The following ICE1 variants were observed in gnomAD, a reference collection of about 807,000 sequenced individuals.
The protein encoded by ICE1 is interactor of little elongation complex ELL subunit 1.
A neutral mutation model predicts 192.7 loss-of-function variants in ICE1; 64 were observed. The ratio of observed to expected loss-of-function variants is 0.33; its 90% confidence interval spans 0.27 to 0.41. ICE1 has a LOEUF of 0.41. ICE1 is among the 10% of genes least tolerant of loss of function. The probability of loss-of-function intolerance (pLI) is 1.00; values close to 1 mark genes in which losing one functional copy is unlikely to be tolerated. For synonymous variants in ICE1, 1,010 were observed against 984.5 expected (o/e 1.03, Z -0.49); for missense variants, 2,708 against 2,696.0 (o/e 1.00, Z -0.10).
At chr5:5,474,027 G>A (rs1010323236) in intron 16 of ICE1, among the ~76,000 whole-genome samples, 1 of 152,024 alleles carries the variant, frequency 6.6e-6, no homozygotes, top group African/African-American at 2.4e-5. Flanking sequence ...TGGCTAACAT[G>A]ATGAAACCCC....
intron 1 of ICE1, among the ~76,000 whole-genome samples, chr5:5,434,907 T>A (rs532249797): frequency 1.3e-5 from 2 of 152,352 alleles, no homozygotes; most frequent in African/African-American, 4.8e-5. Flanking sequence ...ATACGTTTTT[T>A]AAAAAATGTC....
chr5:5,430,531 T>C (rs566641430), intron 1 of ICE1, among the ~76,000 whole-genome samples: 15 of 152,130 alleles, frequency 9.9e-5, no homozygotes, highest in African/African-American at 2.9e-4. Flanking sequence ...TATACAAGAG[T>C]TGTTAAGACA....
At chr5:5,445,237 T>G (rs1200088783) in intron 7 of ICE1, among the ~76,000 whole-genome samples, 1 of 152,142 alleles carries the variant, frequency 6.6e-6, no homozygotes. Context: ...TTGAACCAAA[T>G]TTTTTGGACT....
chr5:5,447,724 A>T lies in ICE1; in HGVS notation c.511A>T (p.Arg171Trp). The T allele has an allele frequency of 1.3e-6, 2 of 1,580,722 alleles. No individual in the cohort carries two copies. The highest frequency in any genetic ancestry group is 1.7e-6 in the Non-Finnish European group (2 of 1,160,784). Residue 171 changes from arginine to tryptophan, a missense_variant, in exon 9 of 19, where the codon AGG (arginine) becomes TGG (tryptophan). Transcript: ENST00000296564. Reference sequence around the variant, plus strand: ...TATTAATATTTTGTTTTCACAGGAAAGGCTTGACGAATTTTCTAAACAGAA... The same window carrying T: ...TATTAATATTTTGTTTTCACAGGAATGGCTTGACGAATTTTCTAAACAGAA... ...LEKEFKKTQE[R>W]LDEFSKQKNE...
intron 5 of ICE1, 39 bp from the exon 6 acceptor site, chr5:5,443,129 T>TTC (rs1738098332): frequency 1.7e-6 from 2 of 1,207,990 alleles, no homozygotes; most frequent in Non-Finnish European, 2.3e-6. Flanking sequence ...GTCAGTGACT[T>TTC]TCATTTTGAC....
At chr5:5,483,065 A>C (rs887977119) in intron 17 of ICE1, among the ~76,000 whole-genome samples, 3 of 152,034 alleles carry the variant, frequency 2.0e-5, no homozygotes, top group Non-Finnish European at 4.4e-5. Context: ...ATCTCAGCTC[A>C]CTGCAACCTC....
intron 10 of ICE1, among the ~76,000 whole-genome samples, chr5:5,454,166 G>A (rs1158938138): frequency 6.6e-6 from 1 of 152,142 alleles, no homozygotes; most frequent in African/African-American, 2.4e-5. Flanking sequence ...TCCCTTATCA[G>A]TTATTAACTG....
intron 7 of ICE1, 53 bp downstream of exon 7, chr5:5,444,379 TA>T: frequency 7.9e-7 from 1 of 1,264,752 alleles, no homozygotes; most frequent in Non-Finnish European, 1.1e-6. Flanking sequence ...AAATCACTGG[TA>T]ACTGTATGAG....
At chr5:5,476,941 G>T (rs1291824998) in intron 17 of ICE1, among the ~76,000 whole-genome samples, 1 of 152,140 alleles carries the variant, frequency 6.6e-6, no homozygotes, top group Non-Finnish European at 1.5e-5. Flanking sequence ...ATGAGACATG[G>T]ATCCTTCTTA....
At chr5:5,478,735 T>TA (rs1367148284) in intron 17 of ICE1, among the ~76,000 whole-genome samples, 1 of 152,190 alleles carries the variant, frequency 6.6e-6, no homozygotes, top group Non-Finnish European at 1.5e-5. Flanking sequence ...ATGATACTGA[T>TA]ACCAAAACAG....
At position 5,464,243 on chromosome 5, in the gene ICE1, GCTC is replaced by G. The variant is rs770332404; in HGVS notation, c.4913_4915del (p.Pro1638del). ...GGGGCCTCCTTTGCCGCCTCTGCTT[GCTC>G]CTCTGATAGCTACACCTCCAAGGAC... On this transcript the variant is annotated inframe_deletion, in exon 13 of 19. Transcript: ENST00000296564. The surrounding 1 kb of genome is among the most constrained non-coding windows in gnomAD (Gnocchi z 4.0). The G allele has an allele frequency of 6.2e-7, 1 of 1,613,374 alleles. No individual in the cohort carries two copies. Among genetic ancestry groups the G allele is most frequent in the South Asian group, 1.1e-5 (1 of 91,038 alleles).
intron 6 of ICE1, 41 bp downstream of exon 6, chr5:5,443,285 T>C (rs1280580270): frequency 5.5e-6 from 6 of 1,096,528 alleles, no homozygotes; most frequent in Non-Finnish European, 7.7e-6. Context: ...CGGTTTTCAG[T>C]TTTGAAAATA....
rs201891854 is a variant in ICE1, at chr5:5,454,662, C to G, written c.691+24C>G. ...AGGTGAGAGAGAAGCTTACAGAAAC[C>G]GATTTCATATGTGAAAGTACAGAGC... On this transcript the variant is annotated intron_variant, in intron 11 of 18. Transcript: ENST00000296564. The G allele has an allele frequency of 3.8e-6, 6 of 1,575,052 alleles. No homozygotes were observed. In the East Asian group the frequency reaches 1.3e-4, roughly 35 times the overall value.
rs1579565093 is a variant in ICE1 at position 5,462,643 on chromosome 5, G to A, written c.3309G>A (p.Gly1103=). Residue 1103 remains glycine (G), a synonymous_variant, in exon 13 of 19, where the codon GGG becomes GGA. Coordinates refer to ENST00000296564, the MANE Select transcript of ICE1 (RefSeq NM_015325.3). ...ATTGTTACACAGGCATTCGAGAGGG[G>A]GGAGACGACACTGAGGTAGAGAGTG... ...TLHCYTGIRE[G]GDDTEVESEA... 1 of 1,613,936 alleles carries A rather than the reference G, an allele frequency of 6.2e-7. No homozygotes were observed. The highest frequency in any genetic ancestry group is 2.2e-5 in the East Asian group (1 of 44,878).
intron 5 of ICE1, 118 bp from the exon 6 acceptor site, chr5:5,443,050 A>G (rs948298189): frequency 1.4e-5 from 8 of 584,022 alleles, no homozygotes; most frequent in Admixed American, 1.1e-4. Flanking sequence ...TTCAGTGACT[A>G]TTTTTTCTGC....
At chr5:5,423,039 C>A (rs1027378962) in intron 1 of ICE1, 40 bp downstream of exon 1, 1 of 1,288,848 alleles carries the variant, frequency 7.8e-7, no homozygotes, top group South Asian at 2.1e-5. Flanking sequence ...GGGGGGGACT[C>A]GGCTCGGCCG....
intron 15 of ICE1, among the ~76,000 whole-genome samples, 192 bp downstream of exon 15, chr5:5,469,180 A>G (rs1739081860): frequency 6.6e-6 from 1 of 152,248 alleles, no homozygotes; most frequent in Non-Finnish European, 1.5e-5. Flanking sequence ...TCAAGGAAGA[A>G]TTGTAGACCA....
At chr5:5,456,827 T>A (rs1738597323) in intron 11 of ICE1, among the ~76,000 whole-genome samples, 2 of 152,206 alleles carry the variant, frequency 1.3e-5, no homozygotes, top group Non-Finnish European at 2.9e-5. Context: ...TCTGTTGCAT[T>A]ATCATACTGA....
chr5:5,457,944 G>A (rs148042511), intron 12 of ICE1, among the ~76,000 whole-genome samples: 1 of 152,296 alleles, frequency 6.6e-6, no homozygotes, highest in African/African-American at 2.4e-5. Flanking sequence ...TTCACTTTGT[G>A]TTAGGGTTGC....
Sources: gnomAD v4.1 joint callset for allele counts (sites outside exome capture counted in the v4.1 genomes callset) on GRCh38, gnomAD v4.1.1 for gene constraint, Gnocchi (gnomAD v3.1) non-coding constraint, MANE v1.5 for transcripts, NCBI Gene and HGNC (gene_info 2026-07-23, HGNC 2026-07-21) for gene names.